CCDC171: variants seen among roughly 807,000 people sequenced by gnomAD.
CCDC171 encodes the protein coiled-coil domain containing 171.
Under a neutral mutation model 168.2 loss-of-function variants are expected in CCDC171, and 177 were observed. That is an observed-to-expected ratio of 1.05 (90% CI 0.93 to 1.19). CCDC171 has a LOEUF of 1.19. Among genes scored for constraint, CCDC171 ranks in the 50% most tolerant of loss-of-function variants. CCDC171 has a pLI of 0.00. For missense variants in CCDC171, 1,991 were observed against 1,539.0 expected, an observed-to-expected ratio of 1.29 and a Z score of -4.91; for synonymous variants, 687 against 540.8, an observed-to-expected ratio of 1.27 and a Z score of -3.75.
In CCDC171 at chr9:15,817,312, G is replaced by A. The variant is rs563758810; in HGVS notation, c.3268-29390G>A. On this transcript the variant is annotated intron_variant, in intron 21 of 25. Coordinates refer to ENST00000380701, the MANE Select transcript of CCDC171 (RefSeq NM_173550.4). ...TTTCTGCATTTCCAACTGAGGTAAC[G>A]GGTTCATCTCACTGGGGAGTGCCGA... Among the ~76,000 whole-genome samples the A allele has an allele frequency of 1.2e-4, 14 of 117,370 alleles. 4 individuals are homozygous for A. The highest frequency in any genetic ancestry group is 4.5e-4 in the African/African-American group (14 of 31,376). The allele number at this position is 117,370 out of a possible 152,430, so 77.0% of individuals were successfully genotyped here.
chr9:15,873,832 G>A (rs1197743005), intron 23 of CCDC171, among the ~76,000 whole-genome samples: 1 of 151,972 alleles, frequency 6.6e-6, no homozygotes, highest in Non-Finnish European at 1.5e-5. Flanking sequence ...TTCCCATATC[G>A]GTGATGTGTT....
intron 1 of CCDC171, among the ~76,000 whole-genome samples, chr9:16,045,367 G>A (rs1393084683): frequency 1.3e-5 from 2 of 152,206 alleles, no homozygotes; most frequent in Non-Finnish European, 2.9e-5. Flanking sequence ...CAGCACTGTT[G>A]ACATTTTGAG....
rs185558798 is a variant in CCDC171 at position 15,741,806 on chromosome 9, A to G, written c.2050-2467A>G. On this transcript the variant is annotated intron_variant, in intron 16 of 25. Coordinates refer to ENST00000380701, the MANE Select transcript of CCDC171 (RefSeq NM_173550.4). ...ACTGGCTAATAACACACCAAATACA[A>G]TGTTAAATACTAGTGGAGATAGTGG... Among the ~76,000 whole-genome samples, 397 of 152,280 alleles carry G rather than the reference A, an allele frequency of 2.6e-3. 2 individuals are homozygous for G. The highest frequency in any genetic ancestry group is 4.4e-3 in the Non-Finnish European group (300 of 68,004).
At chr9:15,808,683 G>C (rs950642397) in intron 21 of CCDC171, among the ~76,000 whole-genome samples, 17 of 152,296 alleles carry the variant, frequency 1.1e-4, no homozygotes, top group Admixed American at 9.8e-4. Flanking sequence ...TGAAGTTGGA[G>C]TATGGAATGG....
intron 1 of CCDC171, among the ~76,000 whole-genome samples, chr9:16,057,184 T>C (rs1833854485): frequency 6.6e-6 from 1 of 152,200 alleles, no homozygotes; most frequent in Admixed American, 6.5e-5. Flanking sequence ...GTAATGTTTT[T>C]TGAGGTGGGA....
At chr9:15,651,581 A>G (rs1587742983) in intron 7 of CCDC171, among the ~76,000 whole-genome samples, 1 of 152,192 alleles carries the variant, frequency 6.6e-6, no homozygotes, top group African/African-American at 2.4e-5. Context: ...TAGCTCTCAC[A>G]TACGAGTGAG....
intron 21 of CCDC171, among the ~76,000 whole-genome samples, chr9:15,796,102 T>A (rs543802942): frequency 6.6e-6 from 1 of 152,312 alleles, no homozygotes; most frequent in African/African-American, 2.4e-5. Flanking sequence ...ACTAGAAGAA[T>A]TGAAATCAGC....
chr9:15,577,394 A>G (rs543485498), intron 3 of CCDC171, among the ~76,000 whole-genome samples: 46 of 152,158 alleles, frequency 3.0e-4, no homozygotes, highest in African/African-American at 1.0e-3. Context: ...TCATTACTTC[A>G]TTTTCCGAAG....
At chr9:16,005,336 T>C (rs192379909) in intron 3 of CCDC171, among the ~76,000 whole-genome samples, 1 of 152,366 alleles carries the variant, frequency 6.6e-6, no homozygotes, top group East Asian at 1.9e-4. Context: ...ATTTCTTTCC[T>C]TTTTATGGCC....
chr9:15,611,800 A>G (rs1305197471), intron 6 of CCDC171, among the ~76,000 whole-genome samples: 2 of 152,064 alleles, frequency 1.3e-5, no homozygotes, highest in African/African-American at 4.8e-5. Context: ...ATGCTCCTGT[A>G]TTCATTTTTA....
rs566613235 is a variant in CCDC171, at chr9:15,758,351, C to G, written c.2671+12720C>G. 5.1e-4 allele frequency among the ~76,000 whole-genome samples: 78 copies of G among 152,296 alleles called. 1 individual carries two copies. Among genetic ancestry groups the G allele is most frequent in the African/African-American group, 1.7e-3 (70 of 41,574 alleles). On this transcript the variant is annotated intron_variant, in intron 18 of 25. Transcript: ENST00000380701. ...ACTGCCCTGCTGGATTTTGGACTTGCGTGGGGCCTGTAGCCCCTTTGTTTT... is the reference window on the plus strand; with the variant it reads ...ACTGCCCTGCTGGATTTTGGACTTGGGTGGGGCCTGTAGCCCCTTTGTTTT...
intron 3 of CCDC171, among the ~76,000 whole-genome samples, chr9:16,004,653 G>A (rs1832646599): frequency 6.6e-6 from 1 of 152,144 alleles, no homozygotes; most frequent in Non-Finnish European, 1.5e-5. Context: ...GCCTTACTGA[G>A]CCACCGCCAC....
At chr9:15,970,782 T>C (rs1465443327) in intron 25 of CCDC171, among the ~76,000 whole-genome samples, 1 of 152,174 alleles carries the variant, frequency 6.6e-6, no homozygotes, top group Non-Finnish European at 1.5e-5. Context: ...TTCTAAATAC[T>C]TATAATAGTC....
chr9:15,888,949 C>CTTTTTTTTTTTTTTTTTTTTTTTTTTTT, intron 24 of CCDC171: 1 of 73,324 alleles, frequency 1.4e-5, no homozygotes, highest in Non-Finnish European at 2.5e-5. Context: ...TTTTTCTTTT[C>CTTTTTTTTTTTTTTTTTTTTTTTTTTTT]TTTTTTTTTT....
chr9:15,630,353 A>G (rs1450703066), intron 7 of CCDC171, among the ~76,000 whole-genome samples: 1 of 152,156 alleles, frequency 6.6e-6, no homozygotes, highest in Non-Finnish European at 1.5e-5. Context: ...AATGGAAAAT[A>G]AAAAAAGGCA....
chr9:15,920,962 TA>T (rs35528529), intron 25 of CCDC171, among the ~76,000 whole-genome samples: 47,906 of 145,850 alleles, frequency 0.33, 9,153 homozygotes, highest in East Asian at 0.61. Flanking sequence ...CACTTAACAC[TA>T]AAAAAAAAAA....
At chr9:15,950,749 A>G (rs971364671) in intron 25 of CCDC171, among the ~76,000 whole-genome samples, 1 of 152,090 alleles carries the variant, frequency 6.6e-6, no homozygotes, top group Non-Finnish European at 1.5e-5. Flanking sequence ...CATCATAATG[A>G]CAGGATCAAA....
At chr9:15,589,812 A>G (rs1266432530) in intron 4 of CCDC171, among the ~76,000 whole-genome samples, 1 of 152,234 alleles carries the variant, frequency 6.6e-6, no homozygotes, top group East Asian at 1.9e-4. Flanking sequence ...TTAAAAAGAC[A>G]GAGGTAGAAA....
intron 10 of CCDC171, among the ~76,000 whole-genome samples, chr9:15,680,902 C>T (rs889343903): frequency 2.6e-5 from 4 of 152,154 alleles, no homozygotes; most frequent in Non-Finnish European, 5.9e-5. Flanking sequence ...AGAGTTAAGA[C>T]ATAATCACCA....
Sources: allele counts gnomAD v4.1 joint callset (sites outside exome capture counted in the v4.1 genomes callset), GRCh38; gene constraint gnomAD v4.1.1; transcripts MANE v1.5; gene names NCBI Gene and HGNC (gene_info 2026-07-23, HGNC 2026-07-21).